ADGRG1: variants seen among roughly 807,000 people sequenced by gnomAD.
The protein encoded by ADGRG1 is 7-transmembrane protein with no EGF-like N-terminal domains-1.
ADGRG1 carries 53 observed loss-of-function variants against 73.5 expected under a neutral mutation model. That is an observed-to-expected ratio of 0.72 (90% CI 0.58 to 0.91). ADGRG1 has a LOEUF of 0.91. Ranked by LOEUF, ADGRG1 falls within the 40% of genes least tolerant of loss-of-function variation. The probability of loss-of-function intolerance (pLI) is 0.00; values close to 1 mark genes in which losing one functional copy is unlikely to be tolerated. For missense variants in ADGRG1, 795 were observed against 871.8 expected (o/e 0.91, Z 1.11); for synonymous variants, 394 against 374.4 (o/e 1.05, Z -0.60).
chr16:57,626,753 G>A (rs1052227533), upstream of ADGRG1: 6 of 985,286 alleles, frequency 6.1e-6, no homozygotes, highest in East Asian at 6.8e-4. Context: ...GCTGCCCTGT[G>A]GGCCTGGTCC....
upstream of ADGRG1, among the ~76,000 whole-genome samples, chr16:57,625,086 C>T (rs1447608170): frequency 1.3e-5 from 2 of 151,980 alleles, no homozygotes; most frequent in African/African-American, 4.8e-5. Context: ...GCAGCATTGC[C>T]CCCTCTCCTC....
rs531540962 is a variant in ADGRG1, at chr16:57,633,151, GT to G, written c.-36+4350del. ...CTTCTCTGGACCCGTTTCCCTGCCT[GT>G]AAATGGAGATAACAATACATCCCTT... On this transcript the variant is annotated intron_variant, in intron 1 of 13. Transcript: ENST00000562631. 2.3e-5 allele frequency: 8 copies of G among 355,176 alleles called. No individual in the cohort carries two copies. In the South Asian group the frequency reaches 8.1e-4, roughly 36 times the overall value. The allele number at this position is 355,176 out of a possible 1,614,324, so 22.0% of individuals were successfully genotyped here. A position where few individuals can be genotyped will look rare whatever the true frequency, so the allele number is the denominator to read the frequency against.
Position 57,651,451 on chromosome 16 carries a change from G to A in ADGRG1, c.316G>A (p.Gly106Ser), listed in dbSNP as rs1597462672. 6.2e-7 allele frequency: 1 copy of A among 1,614,218 alleles called. No individual in the cohort carries two copies. Among genetic ancestry groups the A allele is most frequent in the East Asian group, 2.2e-5 (1 of 44,888 alleles). The change falls in exon 3 of 14, where the codon GGC becomes AGC. Residue 106 changes from glycine to serine, a missense_variant. Physicochemically the swap from Gly to Ser is moderately conservative, Grantham distance 56. Transcript: ENST00000562631. The part of the protein sequence containing the change: ...RHAGRLHLLY[G>S]KRDFLLSDKA... ...TGCTGGGAGATTACATCTTCTCTAT[G>A]GCAAGCGTGACTTCTTGCTGAGTGA...
chr16:57,639,169 C>A, intron 1 of ADGRG1: 1 of 653,520 alleles, frequency 1.5e-6, no homozygotes, highest in Non-Finnish European at 1.9e-6. Context: ...AAATTGGAAG[C>A]TCTGGCTCTT....
intron 1 of ADGRG1, chr16:57,633,233 C>T: frequency 3.3e-5 from 25 of 758,426 alleles, no homozygotes; most frequent in Non-Finnish European, 4.0e-5. Context: ...GTACCTAGCA[C>T]AGTGCATGAC....
chr16:57,623,302 C>T (rs1026657687), upstream of ADGRG1: 4 of 872,258 alleles, frequency 4.6e-6, no homozygotes, highest in East Asian at 1.2e-4. Context: ...GACTGGCATC[C>T]GGGGAGTGCC....
intron 1 of ADGRG1, among the ~76,000 whole-genome samples, chr16:57,644,669 C>T (rs796468983): frequency 1.5e-5 from 2 of 129,068 alleles, no homozygotes; most frequent in Non-Finnish European, 3.2e-5. Flanking sequence ...TCACACACTC[C>T]TCACACACTC....
chr16:57,648,521 G>A (rs1214338900), intron 1 of ADGRG1: 5 of 969,478 alleles, frequency 5.2e-6, no homozygotes, highest in Non-Finnish European at 6.1e-6. Context: ...GCTCTCAGTC[G>A]AAGGGGCCAG....
At chr16:57,642,335 T>C (rs1441869378) in intron 1 of ADGRG1, 1 of 985,208 alleles carries the variant, frequency 1.0e-6, no homozygotes, top group African/African-American at 1.7e-5. Flanking sequence ...TCAGGGATGA[T>C]GATGAGTGGC....
At position 57,660,856 on chromosome 16, in the gene ADGRG1, G is replaced by A. The variant is rs760772908; in HGVS notation, c.1644G>A (p.Glu548=). Residue 548 remains glutamate, a synonymous_variant, in exon 12 of 14, where the codon GAG becomes GAA. Coordinates refer to ENST00000562631, the MANE Select transcript of ADGRG1 (RefSeq NM_201525.4). Reference sequence around the variant, plus strand: ...TCTTGGCTGTGCATAGGACTCCAGAGGGCGTCATCTACCCTTCCATGTGAG... The same window carrying A: ...TCTTGGCTGTGCATAGGACTCCAGAAGGCGTCATCTACCCTTCCATGTGAG... ...PIILAVHRTP[E]GVIYPSMCWI... The A allele has an allele frequency of 7.5e-6, 12 of 1,598,610 alleles. No individual in the cohort carries two copies. The highest frequency in any genetic ancestry group is 1.7e-4 in the Middle Eastern group (1 of 6,046).
chr16:57,628,286 A>G, upstream of ADGRG1: 1 of 688,120 alleles, frequency 1.5e-6, no homozygotes, highest in Non-Finnish European at 1.8e-6. Context: ...TGCCGTGGCA[A>G]CCCCGGCCTC....
At chr16:57,652,762 A>T in intron 3 of ADGRG1, 1 of 1,049,598 alleles carries the variant, frequency 9.5e-7, no homozygotes, top group Non-Finnish European at 1.2e-6. Flanking sequence ...CCCTGGAGAC[A>T]CCTTAGTCGG....
upstream of ADGRG1, among the ~76,000 whole-genome samples, chr16:57,624,487 C>T (rs1302199350): frequency 1.3e-5 from 2 of 152,216 alleles, no homozygotes; most frequent in East Asian, 1.9e-4. Flanking sequence ...GGCAACAGAG[C>T]GAGGCCCTGT....
rs371548509 is a variant in ADGRG1 at position 57,655,410 on chromosome 16, C to T, written c.780C>T (p.Ser260=). The change falls in exon 6 of 14, where the codon AGC becomes AGT. Residue 260 remains serine (S), a synonymous_variant. Coordinates refer to ENST00000562631, the MANE Select transcript of ADGRG1 (RefSeq NM_201525.4). Reference sequence around the variant, plus strand: ...AGGGACCTCTGCAGGAGGAGCAGAGCGAGATCATGGAGTACTCGGTGCTGC... The same window carrying T: ...AGGGACCTCTGCAGGAGGAGCAGAGTGAGATCATGGAGTACTCGGTGCTGC... ...HIHSRQEEEQ[S]EIMEYSVLLP... 9.6e-5 allele frequency: 155 copies of T among 1,613,122 alleles called. No homozygotes were observed. Among genetic ancestry groups the T allele is most frequent in the Non-Finnish European group, 1.2e-4 (136 of 1,179,972 alleles).
intron 1 of ADGRG1, chr16:57,629,058 A>ATGAGTG (rs200758670): frequency 2.1e-6 from 1 of 484,818 alleles, no homozygotes; most frequent in Non-Finnish European, 2.6e-6. Context: ...GTGTGTGAGT[A>ATGAGTG]TGAGTGTGAG....
At chr16:57,640,203 T>C (rs1294002625) in intron 1 of ADGRG1, 3 of 152,192 alleles carry the variant, frequency 2.0e-5, no homozygotes, top group African/African-American at 7.2e-5. Context: ...GCTGAACCCA[T>C]GGAAACACAT....
intron 12 of ADGRG1, 61 bp downstream of exon 12, chr16:57,660,937 C>G (rs2046939701): frequency 2.0e-6 from 2 of 997,652 alleles, no homozygotes; most frequent in Non-Finnish European, 3.2e-6. Context: ...GGCCAGAGTG[C>G]AGCCCGGGCC....
In ADGRG1 at chr16:57,659,455, G is replaced by C. The variant is rs375495959; in HGVS notation, c.1329G>C (p.Leu443=). 13 of 1,613,756 alleles carry C rather than the reference G, an allele frequency of 8.1e-6. No homozygotes were observed. The African/African-American group carries it at 1.6e-4, about 20-fold the overall frequency. ...RDYTIKVHMN[L]LLAVFLLDTS... ...ACACCATCAAGGTGCACATGAACCT[G>C]CTGCTGGCCGTCTTCCTGCTGGACA... The change falls in exon 11 of 14, where the codon CTG becomes CTC. Residue 443 remains leucine, a synonymous_variant. Transcript: ENST00000562631.
chr16:57,628,290 C>A (rs928685142), upstream of ADGRG1: 19 of 669,920 alleles, frequency 2.8e-5, no homozygotes, highest in Non-Finnish European at 9.2e-6. Flanking sequence ...GTGGCAACCC[C>A]GGCCTCTCTG....
Sources: gnomAD v4.1 joint callset for allele counts (sites outside exome capture counted in the v4.1 genomes callset) on GRCh38, gnomAD v4.1.1 for gene constraint, MANE v1.5 for transcripts, NCBI Gene and HGNC (gene_info 2026-07-23, HGNC 2026-07-21) for gene names.